GALNT13: variants seen among roughly 807,000 people sequenced by gnomAD.
The protein encoded by GALNT13 is UDP-GalNAc:polypeptide N-acetylgalactosaminyltransferase 13.
Under a neutral mutation model 64.2 loss-of-function variants are expected in GALNT13, and 28 were observed. The observed-to-expected ratio is 0.44, with a 90% CI of 0.32 to 0.60. The LOEUF is 0.60. Ranked by LOEUF, GALNT13 falls within the 20% of genes least tolerant of loss-of-function variation. The pLI, the probability that GALNT13 is intolerant of heterozygous loss-of-function variation, is 0.05. For missense variants in GALNT13, 577 were observed against 669.8 expected (o/e 0.86, Z 1.53); for synonymous variants, 214 against 224.6 (o/e 0.95, Z 0.42).
intron 9 of GALNT13, among the ~76,000 whole-genome samples, chr2:154,324,904 G>A (rs972674458): frequency 2.6e-5 from 4 of 152,150 alleles, no homozygotes; most frequent in African/African-American, 9.7e-5. Context: ...AGCTCCAGAA[G>A]TAGTATGTGT....
At chr2:153,424,385 T>G in the GALNT13 span, among the ~76,000 whole-genome samples, 1 of 151,650 alleles carries the variant, frequency 6.6e-6, no homozygotes, top group Non-Finnish European at 1.5e-5. Context: ...TATTTGCAGT[T>G]CAGAAAACCA....
the GALNT13 span, among the ~76,000 whole-genome samples, chr2:153,608,794 A>G: frequency 1.4e-5 from 2 of 147,804 alleles, no homozygotes; most frequent in South Asian, 4.2e-4. Context: ...TATGAATTAT[A>G]TATTTTATTA....
At chr2:154,158,109 C>G (rs892506911) in intron 4 of GALNT13, among the ~76,000 whole-genome samples, 11 of 152,146 alleles carry the variant, frequency 7.2e-5, no homozygotes, top group Admixed American at 5.9e-4. Flanking sequence ...GCCCAGACTT[C>G]TCCCCTGATA....
intron 9 of GALNT13, among the ~76,000 whole-genome samples, chr2:154,320,712 A>G (rs926898521): frequency 3.3e-5 from 5 of 152,014 alleles, no homozygotes; most frequent in African/African-American, 1.2e-4. Context: ...TTCAGGGATC[A>G]CTCTAGCCTG....
chr2:154,164,417 A>G (rs1206596801), intron 4 of GALNT13, among the ~76,000 whole-genome samples: 1 of 152,168 alleles, frequency 6.6e-6, no homozygotes, highest in African/African-American at 2.4e-5. Context: ...TTCTTCAAAT[A>G]TTTATAAGAT....
chr2:154,222,936 A>C (rs538306547), intron 4 of GALNT13, among the ~76,000 whole-genome samples: 1 of 152,292 alleles, frequency 6.6e-6, no homozygotes, highest in African/African-American at 2.4e-5. Flanking sequence ...TATGCTGTTT[A>C]AATAAATAAT....
At chr2:153,718,208 A>C in the GALNT13 span, among the ~76,000 whole-genome samples, 2 of 152,198 alleles carry the variant, frequency 1.3e-5, no homozygotes, top group Admixed American at 1.3e-4. Flanking sequence ...CTTAAAAAAA[A>C]GCTAGGACCA....
At chr2:153,099,395 A>G in the GALNT13 span, among the ~76,000 whole-genome samples, 1 of 152,220 alleles carries the variant, frequency 6.6e-6, no homozygotes, top group Non-Finnish European at 1.5e-5. Context: ...AGCTTGAGCT[A>G]CACATAACTC....
intron 3 of GALNT13, among the ~76,000 whole-genome samples, chr2:154,132,482 T>G (rs1456839318): frequency 1.3e-5 from 2 of 152,154 alleles, no homozygotes; most frequent in African/African-American, 4.8e-5. Flanking sequence ...CTTATATGAA[T>G]GCAACACAAT....
chr2:154,355,264 T>C (rs1696672297), intron 9 of GALNT13, among the ~76,000 whole-genome samples: 1 of 152,144 alleles, frequency 6.6e-6, no homozygotes, highest in African/African-American at 2.4e-5. Context: ...GTTGAAGCAC[T>C]GTAAAAGGTC....
the GALNT13 span, among the ~76,000 whole-genome samples, chr2:153,176,936 C>T: frequency 6.6e-6 from 1 of 151,846 alleles, no homozygotes; most frequent in East Asian, 1.9e-4. Context: ...ATACTTTAGG[C>T]ATGAAGGTAA....
At chr2:153,533,232 G>A in the GALNT13 span, among the ~76,000 whole-genome samples, 1 of 151,924 alleles carries the variant, frequency 6.6e-6, no homozygotes, top group East Asian at 1.9e-4. Flanking sequence ...TAGGTGGAGA[G>A]GCATTTATTT....
chr2:153,726,710 G>C, the GALNT13 span, among the ~76,000 whole-genome samples: 2 of 151,362 alleles, frequency 1.3e-5, no homozygotes, highest in Non-Finnish European at 2.9e-5. Flanking sequence ...GGGAGGCCGA[G>C]GGGGCGGATC....
At chr2:153,082,429 C>G in the GALNT13 span, among the ~76,000 whole-genome samples, 1 of 151,298 alleles carries the variant, frequency 6.6e-6, no homozygotes, top group African/African-American at 2.4e-5. Flanking sequence ...TGAGTTACAT[C>G]ACTTCGAATA....
At chr2:153,204,083 C>A in the GALNT13 span, among the ~76,000 whole-genome samples, 4 of 152,344 alleles carry the variant, frequency 2.6e-5, no homozygotes, top group African/African-American at 9.6e-5. Context: ...CACACTATTC[C>A]TGTTTCGATA....
At chr2:153,538,536 C>T in the GALNT13 span, among the ~76,000 whole-genome samples, 1 of 52,924 alleles carries the variant, frequency 1.9e-5, no homozygotes, top group Non-Finnish European at 3.6e-5. Context: ...TGCTATCCCT[C>T]CCCCCTCCCC....
At chr2:154,217,725 G>T (rs764772607) in intron 4 of GALNT13, among the ~76,000 whole-genome samples, 1 of 152,140 alleles carries the variant, frequency 6.6e-6, no homozygotes, top group Non-Finnish European at 1.5e-5. Flanking sequence ...CATGAGTAAT[G>T]CATGCTTATA....
At chr2:154,014,093 A>G (rs1338928949) in intron 3 of GALNT13, among the ~76,000 whole-genome samples, 1 of 152,134 alleles carries the variant, frequency 6.6e-6, no homozygotes, top group African/African-American at 2.4e-5. Context: ...CATGGGCAGG[A>G]CCGCCCTGTT....
chr2:153,650,311 T>G, the GALNT13 span, among the ~76,000 whole-genome samples: 4 of 152,184 alleles, frequency 2.6e-5, no homozygotes, highest in Admixed American at 6.6e-5. Context: ...GTTTTCCATT[T>G]GCTTGGTAGA....
Sources: allele counts gnomAD v4.1 joint callset (sites outside exome capture counted in the v4.1 genomes callset), GRCh38; gene constraint gnomAD v4.1.1; transcripts MANE v1.5; gene names NCBI Gene and HGNC (gene_info 2026-07-23, HGNC 2026-07-21).